Variants in EPHA3 observed in about 807,000 individuals in gnomAD.
EPHA3 encodes the protein EPH receptor A3.
A neutral mutation model predicts 107.1 loss-of-function variants in EPHA3; 42 were observed. The ratio of observed to expected loss-of-function variants is 0.39; its 90% CI spans 0.31 to 0.51. EPHA3 has a LOEUF of 0.51. Among genes scored for constraint, EPHA3 ranks in the 20% least tolerant of loss-of-function variants. The probability of loss-of-function intolerance (pLI) is 0.78; values close to 1 mark genes in which losing one functional copy is unlikely to be tolerated. For missense variants in EPHA3, 1,183 were observed against 1,211.2 expected, an observed-to-expected ratio of 0.98 and a Z score of 0.35; for synonymous variants, 461 against 424.8, an observed-to-expected ratio of 1.09 and a Z score of -1.05.
chr3:89,381,505 C>T (rs1488098499), intron 5 of EPHA3, among the ~76,000 whole-genome samples: 1 of 151,730 alleles, frequency 6.6e-6, no homozygotes, highest in African/African-American at 2.4e-5. Context: ...CCCATCACTA[C>T]TCAAAATACA....
rs1247817292 is a variant in EPHA3, at chr3:89,481,724, CCT to C, written c.*2223_*2224del. On this transcript the variant is annotated 3_prime_UTR_variant, in exon 17 of 17. Transcript: ENST00000336596. ...TAAATTTACTTTACACAATTCTTAC[CCT>C]GTACATATGTAAACATAAGTGTACG... 8.6e-6 allele frequency: 2 copies of C among 231,466 alleles called. No individual in the cohort carries two copies. The highest frequency in any genetic ancestry group is 1.7e-5 in the Non-Finnish European group (2 of 116,896). 14.3% of individuals were successfully genotyped at this position (231,466 alleles called of 1,614,324 possible).
chr3:89,202,698 A>T (rs986996026), intron 2 of EPHA3, among the ~76,000 whole-genome samples: 1 of 152,008 alleles, frequency 6.6e-6, no homozygotes, highest in Non-Finnish European at 1.5e-5. Context: ...ACAAATCACC[A>T]CAGAAAATCA....
At position 89,367,534 on chromosome 3, in the gene EPHA3, A is replaced by G. The variant is rs1253432299; in HGVS notation, c.1306+25444A>G. ...ATTAGCATATAGTTTCAATCACATA[A>G]CTTAGCTCCTTTAAATAGTGGCTTC... On this transcript the variant is annotated intron_variant, in intron 5 of 16. Transcript: ENST00000336596. Among the ~76,000 whole-genome samples, 2 of 150,720 alleles carry G rather than the reference A, an allele frequency of 1.3e-5. 1 individual carries two copies. The highest frequency in any genetic ancestry group is 3.0e-5 in the Non-Finnish European group (2 of 67,286).
At chr3:89,261,090 T>C (rs1465137278) in intron 3 of EPHA3, among the ~76,000 whole-genome samples, 1 of 152,212 alleles carries the variant, frequency 6.6e-6, no homozygotes, top group Non-Finnish European at 1.5e-5. Context: ...TGCTAGCAGA[T>C]GATGAGATGG....
At chr3:89,232,038 G>C (rs1252780796) in intron 3 of EPHA3, among the ~76,000 whole-genome samples, 3 of 152,128 alleles carry the variant, frequency 2.0e-5, no homozygotes, top group African/African-American at 7.2e-5. Context: ...GAAGGGAGGA[G>C]AGATTCTTTA....
intron 3 of EPHA3, among the ~76,000 whole-genome samples, chr3:89,295,666 G>A (rs566720126): frequency 5.3e-5 from 8 of 151,998 alleles, no homozygotes; most frequent in East Asian, 3.9e-4. Context: ...ATCTCAGCTC[G>A]CTGCAACCTC....
At chr3:89,235,260 TGATA>T (rs1704731133) in intron 3 of EPHA3, among the ~76,000 whole-genome samples, 1 of 152,002 alleles carries the variant, frequency 6.6e-6, no homozygotes, top group Admixed American at 6.6e-5. Context: ...TGACACTCAC[TGATA>T]GATTTGTAGA....
intron 9 of EPHA3, among the ~76,000 whole-genome samples, chr3:89,410,109 A>G (rs1709130108): frequency 6.6e-6 from 1 of 151,992 alleles, no homozygotes; most frequent in African/African-American, 2.4e-5. Flanking sequence ...GTTAAAGATC[A>G]GCAGCCAGTG....
intron 16 of EPHA3, among the ~76,000 whole-genome samples, chr3:89,476,291 C>T (rs1207017567): frequency 6.8e-6 from 1 of 147,894 alleles, no homozygotes. Context: ...TTTTGCAGAA[C>T]ATTTCTTGAG....
At chr3:89,235,550 G>A (rs947759756) in intron 3 of EPHA3, among the ~76,000 whole-genome samples, 1 of 151,812 alleles carries the variant, frequency 6.6e-6, no homozygotes, top group Non-Finnish European at 1.5e-5. Flanking sequence ...TAAGAGTGAT[G>A]TTATTAAATG....
At chr3:89,354,816 T>G (rs1707909510) in intron 5 of EPHA3, among the ~76,000 whole-genome samples, 1 of 151,066 alleles carries the variant, frequency 6.6e-6, no homozygotes, top group Admixed American at 6.6e-5. Context: ...GCCGCACAAC[T>G]CCAGAGCCCC....
chr3:89,419,390 A>G lies in EPHA3; in HGVS notation c.2074A>G (p.Ser692Gly). The change falls in exon 11 of 17, where the codon AGT becomes GGT. Residue 692 changes from serine (S) to glycine (G), a missense_variant and splice_region_variant. Transcript: ENST00000336596. ...IIRLEGVVTK[S>G]KPVMIVTEYM... The stretch of plus-strand genomic sequence containing the variant: ...TCGACTGGAAGGAGTTGTTACCAAA[A>G]GTAAGTAAAGTAGTCATAAGACCTG... 1 of 1,584,566 alleles carries G rather than the reference A, an allele frequency of 6.3e-7. No homozygotes were observed. The highest frequency in any genetic ancestry group is 8.6e-7 in the Non-Finnish European group (1 of 1,166,380).
chr3:89,305,696 T>G (rs1347284027), intron 3 of EPHA3, among the ~76,000 whole-genome samples: 2 of 152,106 alleles, frequency 1.3e-5, no homozygotes, highest in Admixed American at 1.3e-4. Context: ...GTTGACCCCA[T>G]TAACCCCTTG....
At chr3:89,126,238 C>G (rs1412567404) in intron 1 of EPHA3, among the ~76,000 whole-genome samples, 1 of 151,654 alleles carries the variant, frequency 6.6e-6, no homozygotes, top group African/African-American at 2.4e-5. Flanking sequence ...CCTTCACATC[C>G]TCCATTAGTC....
chr3:89,147,338 C>T (rs533258795), intron 2 of EPHA3, among the ~76,000 whole-genome samples: 10 of 150,114 alleles, frequency 6.7e-5, no homozygotes, highest in South Asian at 6.4e-4. Flanking sequence ...TATCCCAGAA[C>T]GTAAAGGAAA....
At chr3:89,419,468 A>G (rs1405979752) in intron 11 of EPHA3, 78 bp downstream of exon 11, 1 of 1,359,570 alleles carries the variant, frequency 7.4e-7, no homozygotes, top group Non-Finnish European at 9.7e-7. Flanking sequence ...ACCATTTAAG[A>G]ATTTTGGCTT....
intron 3 of EPHA3, among the ~76,000 whole-genome samples, chr3:89,309,876 C>A (rs1007149803): frequency 6.6e-6 from 1 of 151,630 alleles, no homozygotes; most frequent in African/African-American, 2.4e-5. Flanking sequence ...TGCCACCCCC[C>A]ACCCCCCACA....
intron 2 of EPHA3, among the ~76,000 whole-genome samples, chr3:89,141,559 T>C (rs575197574): frequency 6.6e-6 from 1 of 151,720 alleles, no homozygotes; most frequent in East Asian, 1.9e-4. Context: ...ATACCACCCT[T>C]ATAGTTATGG....
intron 2 of EPHA3, among the ~76,000 whole-genome samples, chr3:89,146,682 A>G (rs1369687986): frequency 6.6e-5 from 10 of 151,896 alleles, no homozygotes; most frequent in Non-Finnish European, 1.3e-4. Context: ...TTTTGTTGCA[A>G]TTGCTTTTGG....
Sources: gnomAD v4.1 joint callset for allele counts (sites outside exome capture counted in the v4.1 genomes callset) on GRCh38, gnomAD v4.1.1 for gene constraint, MANE v1.5 for transcripts, NCBI Gene and HGNC (gene_info 2026-07-23, HGNC 2026-07-21) for gene names.